ZNRF2: variants seen among roughly 807,000 people sequenced by gnomAD.
The protein encoded by ZNRF2 is zinc and ring finger 2.
ZNRF2 carries 16 observed loss-of-function variants against 20.4 expected under a neutral mutation model. The observed-to-expected ratio is 0.79, with a 90% CI of 0.53 to 1.19. The LOEUF is 1.19. Among genes scored for constraint, ZNRF2 ranks in the 50% most tolerant of loss-of-function variants. The pLI is 0.00. For missense variants in ZNRF2, 363 were observed against 332.4 expected, an observed-to-expected ratio of 1.09 and a Z score of -0.72; for synonymous variants, 178 against 144.9, an observed-to-expected ratio of 1.23 and a Z score of -1.64.
intron 1 of ZNRF2, among the ~76,000 whole-genome samples, chr7:30,297,057 CT>C (rs1446944430): frequency 6.6e-6 from 1 of 152,102 alleles, no homozygotes; most frequent in Non-Finnish European, 1.5e-5. Flanking sequence ...ATTCAGAGTC[CT>C]TTTCACACTT....
chr7:30,298,292 C>G (rs1038463596), intron 1 of ZNRF2, among the ~76,000 whole-genome samples: 9 of 152,086 alleles, frequency 5.9e-5, no homozygotes, highest in African/African-American at 2.2e-4. Flanking sequence ...CCTGATGACT[C>G]GGTTTCTTCC....
chr7:30,362,900 G>A (rs777523873), intron 4 of ZNRF2, among the ~76,000 whole-genome samples: 7 of 152,244 alleles, frequency 4.6e-5, no homozygotes, highest in Non-Finnish European at 8.8e-5. Context: ...GGCGGGTCAC[G>A]AGGTCAGGAG....
chr7:30,303,856 G>A (rs766230316), intron 1 of ZNRF2, among the ~76,000 whole-genome samples: 19 of 152,182 alleles, frequency 1.2e-4, no homozygotes, highest in Non-Finnish European at 2.2e-4. Flanking sequence ...TCTGATGCCT[G>A]CCAAAGTGTG....
chr7:30,301,682 G>C (rs933598178), intron 1 of ZNRF2, among the ~76,000 whole-genome samples: 1 of 137,062 alleles, frequency 7.3e-6, no homozygotes, highest in Admixed American at 7.6e-5. Context: ...ATGGACTACA[G>C]GATAATGAGG....
intron 1 of ZNRF2, among the ~76,000 whole-genome samples, chr7:30,310,114 G>T (rs1799270159): frequency 6.6e-6 from 1 of 151,936 alleles, no homozygotes; most frequent in African/African-American, 2.4e-5. Flanking sequence ...GATGTCTAAA[G>T]AATTGGTTGA....
Position 30,287,734 on chromosome 7 carries a change from AC to A in ZNRF2, c.469+1909del, listed in dbSNP as rs1371647345. 7.3e-5 allele frequency among the ~76,000 whole-genome samples: 11 copies of A among 151,670 alleles called. No individual in the cohort carries two copies. In the East Asian group the frequency reaches 2.1e-3, roughly 29 times the overall value. On this transcript the variant is annotated intron_variant, in intron 1 of 4. Coordinates refer to ENST00000323037, the MANE Select transcript of ZNRF2 (RefSeq NM_147128.4). Reference sequence around the variant, plus strand: ...TACAGTGACACTTTCTGAGGAACTTACAGCAGCCTTTCTCACCCGGCTTTCT... The same window carrying A: ...TACAGTGACACTTTCTGAGGAACTTAAGCAGCCTTTCTCACCCGGCTTTCT...
chr7:30,316,042 A>C (rs1799368706), intron 1 of ZNRF2, among the ~76,000 whole-genome samples: 1 of 152,100 alleles, frequency 6.6e-6, no homozygotes, highest in Admixed American at 6.6e-5. Flanking sequence ...TAATCCCAGC[A>C]CTTTGGGAGG....
At chr7:30,324,151 A>G (rs973322738) in intron 2 of ZNRF2, among the ~76,000 whole-genome samples, 5 of 152,128 alleles carry the variant, frequency 3.3e-5, no homozygotes, top group Admixed American at 2.0e-4. Flanking sequence ...GAATTCTCAC[A>G]TCTGCTTCTT....
At chr7:30,335,152 T>C (rs949073277) in intron 2 of ZNRF2, among the ~76,000 whole-genome samples, 3 of 152,204 alleles carry the variant, frequency 2.0e-5, no homozygotes, top group African/African-American at 7.2e-5. Context: ...ACATCTGTTT[T>C]CTTTATTTAC....
intron 1 of ZNRF2, among the ~76,000 whole-genome samples, chr7:30,304,923 T>C (rs1321900255): frequency 6.6e-6 from 1 of 152,214 alleles, no homozygotes; most frequent in Non-Finnish European, 1.5e-5. Context: ...GCAAGCCAGA[T>C]GTTAAATATA....
chr7:30,316,079 G>T (rs1290689386), intron 1 of ZNRF2, among the ~76,000 whole-genome samples: 2 of 151,676 alleles, frequency 1.3e-5, no homozygotes, highest in Non-Finnish European at 2.9e-5. Context: ...ACCTGAGGTT[G>T]GGAGTTGGAG....
Position 30,338,429 on chromosome 7 carries a change from C to T in ZNRF2, c.565+14692C>T, listed in dbSNP as rs1039071450. Among the ~76,000 whole-genome samples the T allele has an allele frequency of 2.9e-4, 41 of 141,656 alleles. 1 individual carries two copies. The highest frequency in any genetic ancestry group is 1.5e-3 in the East Asian group (7 of 4,712). The allele number at this position is 141,656 out of a possible 152,430, so 92.9% of individuals were successfully genotyped here. On this transcript the variant is annotated intron_variant, in intron 2 of 4. Coordinates refer to ENST00000323037, the MANE Select transcript of ZNRF2 (RefSeq NM_147128.4). ...TAATGCTGTCCCTCCCCTAGCCCCC[C>T]CCCACCCCCCAACAGGCCCCAGTGT...
At chr7:30,295,014 GGA>G (rs1161510140) in intron 1 of ZNRF2, among the ~76,000 whole-genome samples, 965 of 25,124 alleles carry the variant, frequency 0.038, 33 homozygotes, top group Admixed American at 0.055. Context: ...AGGGAGGGAA[GGA>G]GAGAGAGAGA....
intron 2 of ZNRF2, among the ~76,000 whole-genome samples, chr7:30,342,656 T>C (rs999219775): frequency 3.3e-5 from 5 of 152,210 alleles, no homozygotes; most frequent in Non-Finnish European, 7.3e-5. Context: ...TATTATTTAT[T>C]GTGCTTTCCT....
chr7:30,313,950 A>G (rs988880584), intron 1 of ZNRF2, among the ~76,000 whole-genome samples: 25 of 152,164 alleles, frequency 1.6e-4, no homozygotes, highest in African/African-American at 5.1e-4. Flanking sequence ...ATACTCTCTC[A>G]TATTATAAAT....
At chr7:30,356,328 C>T (rs1800037896) in intron 3 of ZNRF2, among the ~76,000 whole-genome samples, 1 of 151,516 alleles carries the variant, frequency 6.6e-6, no homozygotes, top group Non-Finnish European at 1.5e-5. Context: ...AAAACTATAA[C>T]TTTCAACCTG....
At chr7:30,307,659 A>C (rs775312389) in intron 1 of ZNRF2, among the ~76,000 whole-genome samples, 10 of 151,892 alleles carry the variant, frequency 6.6e-5, no homozygotes, top group Non-Finnish European at 1.0e-4. Flanking sequence ...GTGTTTTTTA[A>C]AGGTATAAAT....
At chr7:30,333,145 C>A (rs1799661039) in intron 2 of ZNRF2, among the ~76,000 whole-genome samples, 1 of 151,342 alleles carries the variant, frequency 6.6e-6, no homozygotes, top group Admixed American at 6.6e-5. Context: ...CCTCTGCCTC[C>A]CAGGTTCAAG....
chr7:30,308,699 C>T (rs1169279339), intron 1 of ZNRF2, among the ~76,000 whole-genome samples: 1 of 152,174 alleles, frequency 6.6e-6, no homozygotes, highest in African/African-American at 2.4e-5. Context: ...TTTAGTTACA[C>T]TGTTGTTTGA....
Sources: gnomAD v4.1 joint callset for allele counts (sites outside exome capture counted in the v4.1 genomes callset) on GRCh38, gnomAD v4.1.1 for gene constraint, MANE v1.5 for transcripts, NCBI Gene and HGNC (gene_info 2026-07-23, HGNC 2026-07-21) for gene names.